PTPRE: variants seen among roughly 807,000 people sequenced by gnomAD.
PTPRE encodes receptor-type tyrosine-protein phosphatase epsilon.
In PTPRE, 51 loss-of-function variants were observed where a neutral mutation model predicts 102.0. The ratio of observed to expected loss-of-function variants is 0.50; its 90% CI spans 0.40 to 0.63. The LOEUF (loss-of-function observed/expected upper bound fraction) is 0.63. Ranked by LOEUF, PTPRE falls within the 30% of genes least tolerant of loss-of-function variation. PTPRE has a pLI of 0.00. For missense variants in PTPRE, 752 were observed against 915.1 expected (o/e 0.82, Z 2.30); for synonymous variants, 345 against 348.2 (o/e 0.99, Z 0.10).
At chr10:128,021,606 C>T (rs1425220375) in intron 2 of PTPRE, among the ~76,000 whole-genome samples, 1 of 152,204 alleles carries the variant, frequency 6.6e-6, no homozygotes, top group African/African-American at 2.4e-5. Context: ...CTGTCCTTGG[C>T]CTCCAAAGCA....
intron 1 of PTPRE, among the ~76,000 whole-genome samples, chr10:127,943,633 A>C (rs1589795159): frequency 6.6e-6 from 1 of 152,200 alleles, no homozygotes; most frequent in African/African-American, 2.4e-5. Flanking sequence ...AATGCGCAGG[A>C]GGCTTCCAGG....
At chr10:127,931,853 T>C (rs562051508) in intron 1 of PTPRE, among the ~76,000 whole-genome samples, 30 of 152,372 alleles carry the variant, frequency 2.0e-4, no homozygotes, top group African/African-American at 6.0e-4. Context: ...TTTTCTGCCT[T>C]AATCTCCATT....
intron 2 of PTPRE, among the ~76,000 whole-genome samples, chr10:128,031,762 T>C (rs1163374521): frequency 6.6e-6 from 1 of 152,006 alleles, no homozygotes; most frequent in Non-Finnish European, 1.5e-5. Flanking sequence ...TGAGACTGAG[T>C]AAGGGGAGAA....
At chr10:127,996,128 G>T (rs1005736641) in intron 2 of PTPRE, among the ~76,000 whole-genome samples, 1 of 152,166 alleles carries the variant, frequency 6.6e-6, no homozygotes, top group African/African-American at 2.4e-5. Flanking sequence ...CAGTGTGGAC[G>T]TGGAGTAGTG....
chr10:127,970,224 AG>A (rs1425453172), intron 1 of PTPRE, among the ~76,000 whole-genome samples: 5 of 152,162 alleles, frequency 3.3e-5, no homozygotes, highest in African/African-American at 1.2e-4. Flanking sequence ...CACAATGATG[AG>A]GTCCTTAGGA....
At chr10:127,968,740 A>G (rs1850457585) in intron 1 of PTPRE, among the ~76,000 whole-genome samples, 1 of 152,230 alleles carries the variant, frequency 6.6e-6, no homozygotes, top group Non-Finnish European at 1.5e-5. Context: ...CAGAATAATA[A>G]TAACTGGGTA....
chr10:128,057,512 G>T (rs1849094415), intron 7 of PTPRE, among the ~76,000 whole-genome samples: 1 of 152,190 alleles, frequency 6.6e-6, no homozygotes, highest in Admixed American at 6.5e-5. Flanking sequence ...CATCTGCTCT[G>T]TATGTCAGAG....
chr10:127,930,493 C>T (rs893653292), intron 1 of PTPRE, among the ~76,000 whole-genome samples: 4 of 152,172 alleles, frequency 2.6e-5, no homozygotes, highest in Non-Finnish European at 4.4e-5. Context: ...ATGCATGTAG[C>T]GCAGTTTGTT....
Position 128,085,237 on chromosome 10 carries a change from A to C in PTPRE, c.*2331A>C, listed in dbSNP as rs143891903. ...TGGAGCACCTCACGCTGGGGGAATC[A>C]ATCCCTGAGGGACTCAGAATCTTCT... On this transcript the variant is annotated 3_prime_UTR_variant, in exon 21 of 21. Transcript: ENST00000254667. The C allele has an allele frequency of 5.0e-3, 1,828 of 368,714 alleles. 10 individuals are homozygous for C. Among genetic ancestry groups the C allele is most frequent in the Non-Finnish European group, 7.2e-3 (1,316 of 181,518 alleles). The allele number at this position is 368,714 out of a possible 1,614,324, so 22.8% of individuals were successfully genotyped here. A position where few individuals can be genotyped will look rare whatever the true frequency, so the allele number is the denominator to read the frequency against.
chr10:127,920,589 CCTT>C (rs1472623112), intron 1 of PTPRE, among the ~76,000 whole-genome samples: 1 of 152,182 alleles, frequency 6.6e-6, no homozygotes, highest in Non-Finnish European at 1.5e-5. Context: ...CTGGGGCAAC[CCTT>C]CTTCTTTCGT....
intron 2 of PTPRE, among the ~76,000 whole-genome samples, chr10:127,988,361 G>A (rs558567697): frequency 7.4e-6 from 1 of 134,254 alleles, no homozygotes; most frequent in South Asian, 2.3e-4. Context: ...GCTGGAGTTC[G>A]TTGGCACAAT....
intron 1 of PTPRE, among the ~76,000 whole-genome samples, chr10:127,922,302 C>T (rs1846658976): frequency 6.6e-6 from 1 of 152,252 alleles, no homozygotes; most frequent in African/African-American, 2.4e-5. Flanking sequence ...GTGAACAAAA[C>T]CCATAGGTGC....
intron 3 of PTPRE, among the ~76,000 whole-genome samples, chr10:128,042,651 C>T (rs927439979): frequency 5.3e-5 from 8 of 152,192 alleles, no homozygotes; most frequent in African/African-American, 1.7e-4. Flanking sequence ...AAATCTTCAT[C>T]TGACCCCTGG....
intron 2 of PTPRE, among the ~76,000 whole-genome samples, chr10:128,035,652 G>A (rs1847150858): frequency 6.6e-6 from 1 of 152,220 alleles, no homozygotes. Flanking sequence ...ATGGGTTCGG[G>A]CTGCAGAGAG....
chr10:128,053,846 C>T (rs189112556), intron 6 of PTPRE, among the ~76,000 whole-genome samples: 3 of 152,240 alleles, frequency 2.0e-5, no homozygotes, highest in South Asian at 2.1e-4. Flanking sequence ...CGGCAACCTC[C>T]GCCTCCCAGG....
rs576935907 is a variant in PTPRE, at chr10:128,036,838, AG to A, written c.-7-4035del. 2.0e-4 allele frequency among the ~76,000 whole-genome samples: 30 copies of A among 152,298 alleles called. No individual in the cohort carries two copies. In the East Asian group the frequency reaches 4.8e-3, roughly 24 times the overall value. On this transcript the variant is annotated intron_variant, in intron 2 of 20. Transcript: ENST00000254667. Reference sequence around the variant, plus strand: ...GGAACCACCGAGGAATCTTCATAAAAGGTGGGAGGTCTGGGATGGTCCTGAG... The same window carrying A: ...GGAACCACCGAGGAATCTTCATAAAAGTGGGAGGTCTGGGATGGTCCTGAG...
chr10:127,949,282 A>G (rs1267367180), intron 1 of PTPRE, among the ~76,000 whole-genome samples: 2 of 152,072 alleles, frequency 1.3e-5, no homozygotes, highest in Non-Finnish European at 2.9e-5. Flanking sequence ...CCATGTGTCT[A>G]TCTAGCTATG....
At chr10:128,025,158 C>CAAAAAAAAAAAA (rs71472683) in intron 2 of PTPRE, among the ~76,000 whole-genome samples, 11 of 65,726 alleles carry the variant, frequency 1.7e-4, no homozygotes, top group Non-Finnish European at 2.4e-4. Flanking sequence ...GATCCTGTCT[C>CAAAAAAAAAAAA]AAAAAAAAAA....
intron 2 of PTPRE, among the ~76,000 whole-genome samples, chr10:128,019,996 T>C (rs1251919753): frequency 6.6e-6 from 1 of 151,978 alleles, no homozygotes; most frequent in African/African-American, 2.4e-5. Flanking sequence ...CTTGGACTCC[T>C]CAAAGGCTTT....
Sources: gnomAD v4.1 joint callset for allele counts (sites outside exome capture counted in the v4.1 genomes callset) on GRCh38, gnomAD v4.1.1 for gene constraint, MANE v1.5 for transcripts, NCBI Gene and HGNC (gene_info 2026-07-23, HGNC 2026-07-21) for gene names.